TNR: variants seen among roughly 807,000 people sequenced by gnomAD.
The protein encoded by TNR is tenascin-R.
TNR carries 45 observed loss-of-function variants against 150.4 expected under a neutral mutation model. The ratio of observed to expected loss-of-function variants is 0.30; its 90% CI spans 0.24 to 0.38. TNR has a LOEUF of 0.38. Among genes scored for constraint, TNR ranks in the 10% least tolerant of loss-of-function variants. TNR has a pLI of 1.00. For missense variants in TNR, 1,544 were observed against 1,759.1 expected (o/e 0.88, Z 2.19); for synonymous variants, 687 against 678.4 (o/e 1.01, Z -0.20).
At chr1:175,691,921 T>C (rs1666379534) in intron 1 of TNR, among the ~76,000 whole-genome samples, 1 of 152,084 alleles carries the variant, frequency 6.6e-6, no homozygotes. Flanking sequence ...AAGCCTCACC[T>C]CCTCTGAGGG....
chr1:175,690,457 A>C (rs934421226), intron 1 of TNR, among the ~76,000 whole-genome samples: 1 of 152,232 alleles, frequency 6.6e-6, no homozygotes. Context: ...AGTCACACTG[A>C]GTCATAAAGA....
intron 4 of TNR, among the ~76,000 whole-genome samples, chr1:175,400,811 T>C (rs550466406): frequency 1.3e-5 from 2 of 152,294 alleles, no homozygotes; most frequent in African/African-American, 4.8e-5. Context: ...AAACAGTGGA[T>C]AAATAGCCCC....
At position 175,396,579 on chromosome 1, in the gene TNR, A is replaced by T; in HGVS notation, c.1205T>A (p.Ile402Asn). The change falls in exon 5 of 23, where the codon ATC (isoleucine) becomes AAC (asparagine). Residue 402 changes from isoleucine to asparagine, a missense_variant. By Grantham distance (149) the Ile-to-Asn change is moderately radical (BLOSUM62 -3). Transcript: ENST00000367674. ...NISVYAVISNILSLPITAKVA... is the reference protein window; with the variant it reads ...NISVYAVISNNLSLPITAKVA... ...CTTGGCAGTGATGGGAAGGCTGAGG[A>T]TGTTGCTAATGACAGCGTAGACGCT... is the stretch of plus-strand genomic sequence containing the variant. 1 of 1,614,196 alleles carries T rather than the reference A, an allele frequency of 6.2e-7. No individual in the cohort carries two copies.
intron 8 of TNR, among the ~76,000 whole-genome samples, chr1:175,383,736 G>C (rs2102028920): frequency 6.6e-6 from 1 of 152,316 alleles, no homozygotes; most frequent in African/African-American, 2.4e-5. Context: ...AATGACTGAG[G>C]GCCTCATCAT....
At chr1:175,694,587 T>C (rs1321250544) in intron 1 of TNR, among the ~76,000 whole-genome samples, 4 of 152,184 alleles carry the variant, frequency 2.6e-5, no homozygotes, top group African/African-American at 4.8e-5. Flanking sequence ...CCAAAATCCT[T>C]ATGGGCTCAA....
intron 8 of TNR, 135 bp downstream of exon 8, chr1:175,385,897 C>T (rs150611806): frequency 7.9e-6 from 8 of 1,007,768 alleles, no homozygotes; most frequent in Admixed American, 2.8e-5. Flanking sequence ...GCTTCCTTCT[C>T]GCGGTGTCTA....
intron 1 of TNR, among the ~76,000 whole-genome samples, chr1:175,711,284 T>G (rs1162078365): frequency 6.6e-6 from 1 of 152,110 alleles, no homozygotes; most frequent in Non-Finnish European, 1.5e-5. Flanking sequence ...TGAGCAAGAC[T>G]TGGGGAGATG....
chr1:175,368,658 A>C (rs933483224), intron 9 of TNR, among the ~76,000 whole-genome samples: 2 of 152,152 alleles, frequency 1.3e-5, no homozygotes, highest in Admixed American at 6.5e-5. Context: ...TTGTAGAAAA[A>C]CCCAACAAAG....
At chr1:175,406,080 C>G (rs976883873) in intron 3 of TNR, 136 bp downstream of exon 3, 8 of 1,185,024 alleles carry the variant, frequency 6.8e-6, no homozygotes, top group Admixed American at 2.7e-5. Context: ...TTCCTTTGAC[C>G]GTGTGAAGAG....
At chr1:175,564,544 T>C (rs1215353943) in intron 1 of TNR, among the ~76,000 whole-genome samples, 1 of 152,202 alleles carries the variant, frequency 6.6e-6, no homozygotes, top group Non-Finnish European at 1.5e-5. Context: ...GTTGCACATT[T>C]TGATGCTGAC....
chr1:175,516,205 A>G (rs1437446654), intron 2 of TNR, among the ~76,000 whole-genome samples: 1 of 152,192 alleles, frequency 6.6e-6, no homozygotes, highest in African/African-American at 2.4e-5. Context: ...ACCTGCCTGA[A>G]ATGATTAACA....
In TNR at chr1:175,354,452, C is replaced by A; in HGVS notation, c.3321G>T (p.Val1107=). Residue 1107 remains valine, a synonymous_variant, in exon 18 of 23, where the codon GTG becomes GTT. Coordinates refer to ENST00000367674, the MANE Select transcript of TNR (RefSeq NM_003285.3). The part of the protein sequence containing the change: ...EGLLENTDYT[V]LLQAAQDTTW... ...TGGTGTCCTGTGCTGCCTGCAGGAG[C>A]ACCGTGTAGTCTGTGTTCTCCAACA... 6.2e-7 allele frequency: 1 copy of A among 1,614,134 alleles called. No individual in the cohort carries two copies.
At chr1:175,720,684 C>T (rs1667274131) in intron 1 of TNR, among the ~76,000 whole-genome samples, 1 of 152,194 alleles carries the variant, frequency 6.6e-6, no homozygotes, top group Admixed American at 6.5e-5. Context: ...TTTTAATGTG[C>T]AACAAGGCTT....
At chr1:175,669,365 A>C (rs1296175740) in intron 1 of TNR, among the ~76,000 whole-genome samples, 1 of 152,124 alleles carries the variant, frequency 6.6e-6, no homozygotes, top group Non-Finnish European at 1.5e-5. Context: ...AAAACCTCCA[A>C]GTTTGTCTAA....
intron 1 of TNR, among the ~76,000 whole-genome samples, chr1:175,656,874 G>T (rs985055055): frequency 9.2e-5 from 14 of 152,152 alleles, no homozygotes; most frequent in African/African-American, 2.9e-4. Flanking sequence ...TGCAAATGTG[G>T]TTATGCATTT....
intron 5 of TNR, 75 bp downstream of exon 5, chr1:175,396,469 C>T (rs1004584275): frequency 8.2e-5 from 125 of 1,526,942 alleles, no homozygotes; most frequent in African/African-American, 1.5e-4. Flanking sequence ...TAAGAAAAGA[C>T]GCTACTATCA....
chr1:175,395,959 C>T (rs1272578015), intron 5 of TNR, among the ~76,000 whole-genome samples: 4 of 152,146 alleles, frequency 2.6e-5, no homozygotes, highest in Non-Finnish European at 4.4e-5. Flanking sequence ...TCTCTTTCTT[C>T]CCTGTGAATC....
rs905121053 is a variant in TNR, at chr1:175,323,282, C to G, written c.*75G>C. 6.3e-7 allele frequency: 1 copy of G among 1,576,268 alleles called. No homozygotes were observed. Among genetic ancestry groups the G allele is most frequent in the Non-Finnish European group, 8.7e-7 (1 of 1,155,682 alleles). ...ATGTTGCAAAACACATTGCTATTAC[C>G]CTCCCCCCTTGTTTCATATTATAAA... On this transcript the variant is annotated 3_prime_UTR_variant, in exon 23 of 23. Transcript: ENST00000367674.
intron 2 of TNR, among the ~76,000 whole-genome samples, chr1:175,471,640 G>T (rs550864386): frequency 6.6e-6 from 1 of 152,320 alleles, no homozygotes; most frequent in East Asian, 1.9e-4. Context: ...ATGAGTGTAA[G>T]CTGCTCTGGG....
Sources: allele counts gnomAD v4.1 joint callset (sites outside exome capture counted in the v4.1 genomes callset), GRCh38; gene constraint gnomAD v4.1.1; transcripts MANE v1.5; gene names NCBI Gene and HGNC (gene_info 2026-07-23, HGNC 2026-07-21).